MAML2: variants seen among roughly 807,000 people sequenced by gnomAD.
The protein encoded by MAML2 is mastermind-like protein 2.
Under a neutral mutation model 96.1 loss-of-function variants are expected in MAML2, and 22 were observed. The observed-to-expected ratio is 0.23, with a 90% CI of 0.16 to 0.33. MAML2 has a LOEUF of 0.33. Among genes scored for constraint, MAML2 ranks in the 10% least tolerant of loss-of-function variants. The pLI is 1.00. For synonymous variants in MAML2, 561 were observed against 521.3 expected, an observed-to-expected ratio of 1.08 and a Z score of -1.04; for missense variants, 1,367 against 1,392.4, an observed-to-expected ratio of 0.98 and a Z score of 0.29.
In MAML2 at chr11:96,053,300, C is replaced by T. The variant is rs76244396; in HGVS notation, c.2139+38592G>A. On this transcript the variant is annotated intron_variant, in intron 2 of 4. Transcript: ENST00000524717. The stretch of plus-strand genomic sequence containing the variant: ...ATGCCAACTGCCACTAGAGCCTACT[C>T]AAATGAAAACTCTGTAGCAGAATGA... Among the ~76,000 whole-genome samples the T allele has an allele frequency of 7.8e-3, 1,195 of 152,278 alleles. 43 individuals are homozygous for T. In the East Asian group the frequency reaches 0.086, roughly 11 times the overall value.
intron 2 of MAML2, among the ~76,000 whole-genome samples, chr11:96,027,159 C>CA (rs1173865044): frequency 6.6e-6 from 1 of 152,170 alleles, no homozygotes; most frequent in African/African-American, 2.4e-5. Flanking sequence ...AGATAGCTCT[C>CA]AACAAGCAAT....
chr11:96,218,522 C>T (rs1213360108), intron 1 of MAML2, among the ~76,000 whole-genome samples: 1 of 152,126 alleles, frequency 6.6e-6, no homozygotes, highest in Non-Finnish European at 1.5e-5. Context: ...TATAAAAACT[C>T]AGAGATTTTT....
chr11:96,173,024 C>T (rs1283440514), intron 1 of MAML2, among the ~76,000 whole-genome samples: 1 of 152,228 alleles, frequency 6.6e-6, no homozygotes, highest in Non-Finnish European at 1.5e-5. Flanking sequence ...ATATCGTTCT[C>T]CTCCTTGCAC....
At chr11:96,292,309 T>C (rs947286914) in intron 1 of MAML2, among the ~76,000 whole-genome samples, 3 of 152,216 alleles carry the variant, frequency 2.0e-5, no homozygotes, top group Non-Finnish European at 4.4e-5. Flanking sequence ...AGCAGGAATA[T>C]GCAGACTCCA....
chr11:96,209,177 C>T (rs2135936932), intron 1 of MAML2, among the ~76,000 whole-genome samples: 1 of 134,184 alleles, frequency 7.5e-6, no homozygotes, highest in East Asian at 2.2e-4. Context: ...TTTACTTGTT[C>T]ACAGAGAGCA....
intron 1 of MAML2, among the ~76,000 whole-genome samples, chr11:96,124,729 G>C (rs1419527172): frequency 2.0e-5 from 3 of 152,082 alleles, no homozygotes; most frequent in Non-Finnish European, 4.4e-5. Context: ...GACTGCACAT[G>C]AACGGATGTG....
At chr11:96,079,942 G>C (rs1859506528) in intron 2 of MAML2, among the ~76,000 whole-genome samples, 1 of 152,188 alleles carries the variant, frequency 6.6e-6, no homozygotes, top group Non-Finnish European at 1.5e-5. Context: ...AGATGTATCA[G>C]TGTGGAAAAC....
intron 2 of MAML2, among the ~76,000 whole-genome samples, chr11:96,041,544 A>G (rs1182853469): frequency 2.6e-5 from 4 of 151,594 alleles, no homozygotes; most frequent in African/African-American, 9.7e-5. Context: ...GAGGAAGGGA[A>G]AGAAAGAAAG....
At chr11:96,255,865 C>CTT (rs141609329) in intron 1 of MAML2, among the ~76,000 whole-genome samples, 1,053 of 77,814 alleles carry the variant, frequency 0.014, 5 homozygotes, top group East Asian at 0.019. Context: ...CCCCCACCGC[C>CTT]TTTTTTTTTT....
chr11:96,211,699 A>C (rs986459987), intron 1 of MAML2, among the ~76,000 whole-genome samples: 2 of 152,200 alleles, frequency 1.3e-5, no homozygotes, highest in African/African-American at 2.4e-5. Flanking sequence ...AGGGGCCCAC[A>C]GGGTACCTAG....
At chr11:96,311,406 T>C (rs1863540053) in intron 1 of MAML2, among the ~76,000 whole-genome samples, 1 of 152,258 alleles carries the variant, frequency 6.6e-6, no homozygotes, top group South Asian at 2.1e-4. Context: ...CAAATTGTGA[T>C]TCTGGAATAT....
chr11:96,128,555 G>A (rs1565223617), intron 1 of MAML2, among the ~76,000 whole-genome samples: 1 of 152,138 alleles, frequency 6.6e-6, no homozygotes, highest in Non-Finnish European at 1.5e-5. Flanking sequence ...CACTGACACT[G>A]GTGTTAGAGT....
At chr11:96,180,265 C>T (rs1861461465) in intron 1 of MAML2, among the ~76,000 whole-genome samples, 1 of 152,174 alleles carries the variant, frequency 6.6e-6, no homozygotes, top group Non-Finnish European at 1.5e-5. Context: ...TTTGACACTC[C>T]TCCCCCTGAG....
intron 2 of MAML2, among the ~76,000 whole-genome samples, chr11:96,060,781 A>C (rs968335973): frequency 1.3e-5 from 2 of 152,324 alleles, no homozygotes; most frequent in African/African-American, 4.8e-5. Flanking sequence ...GCCAAGTTTT[A>C]GTTTATTAGA....
At chr11:96,096,515 C>CA (rs1394968339) in intron 1 of MAML2, among the ~76,000 whole-genome samples, 1 of 152,122 alleles carries the variant, frequency 6.6e-6, no homozygotes, top group African/African-American at 2.4e-5. Context: ...AAAGGACAGA[C>CA]AGAGTAAGCA....
chr11:96,015,311 C>T (rs573252691), intron 2 of MAML2, among the ~76,000 whole-genome samples: 139 of 152,118 alleles, frequency 9.1e-4, no homozygotes, highest in South Asian at 1.7e-3. Flanking sequence ...AGTAATATGA[C>T]GTTGAATAAG....
At chr11:96,076,651 G>A (rs193027336) in intron 2 of MAML2, among the ~76,000 whole-genome samples, 1 of 152,214 alleles carries the variant, frequency 6.6e-6, no homozygotes, top group East Asian at 1.9e-4. Context: ...TTTGCCTCTG[G>A]CTTCACTACA....
chr11:96,002,105 G>A (rs1858086988), intron 2 of MAML2, among the ~76,000 whole-genome samples: 2 of 152,008 alleles, frequency 1.3e-5, no homozygotes, highest in Admixed American at 1.3e-4. Context: ...CCCAGTACTG[G>A]CCCATTAGGC....
chr11:96,139,082 G>T (rs1263433983), intron 1 of MAML2, among the ~76,000 whole-genome samples: 1 of 152,082 alleles, frequency 6.6e-6, no homozygotes, highest in African/African-American at 2.4e-5. Flanking sequence ...GAACCATGTG[G>T]TAATAAAACC....
Sources: gnomAD v4.1 joint callset for allele counts (sites outside exome capture counted in the v4.1 genomes callset) on GRCh38, gnomAD v4.1.1 for gene constraint, MANE v1.5 for transcripts, NCBI Gene and HGNC (gene_info 2026-07-23, HGNC 2026-07-21) for gene names.